The following RNF220 variants were observed in gnomAD, a reference collection of about 807,000 sequenced individuals.
RNF220 encodes the protein E3 ubiquitin-protein ligase RNF220.
Under a neutral mutation model 67.1 loss-of-function variants are expected in RNF220, and 7 were observed. The ratio of observed to expected loss-of-function variants is 0.10; its 90% CI spans 0.06 to 0.20. The LOEUF (loss-of-function observed/expected upper bound fraction) is 0.20, where lower values mean the gene tolerates loss of function less well. Among genes scored for constraint, RNF220 ranks in the 10% least tolerant of loss-of-function variants. The probability of loss-of-function intolerance (pLI) is 1.00; values close to 1 mark genes in which losing one functional copy is unlikely to be tolerated. For missense variants in RNF220, 565 were observed against 740.3 expected (o/e 0.76, Z 2.75); for synonymous variants, 270 against 283.2 (o/e 0.95, Z 0.47).
At chr1:44,488,608 C>G (rs1409102955) in intron 2 of RNF220, among the ~76,000 whole-genome samples, 2 of 152,212 alleles carry the variant, frequency 1.3e-5, no homozygotes, top group African/African-American at 4.8e-5. Flanking sequence ...GGCCACCATA[C>G]CCAGCCTGCA....
intron 2 of RNF220, among the ~76,000 whole-genome samples, chr1:44,464,572 G>A (rs1453892570): frequency 4.6e-5 from 7 of 152,206 alleles, no homozygotes. Flanking sequence ...GCACATCTGT[G>A]TGGCAGAGAA....
At chr1:44,498,716 A>G (rs1312405007) in intron 2 of RNF220, among the ~76,000 whole-genome samples, 1 of 152,152 alleles carries the variant, frequency 6.6e-6, no homozygotes, top group Non-Finnish European at 1.5e-5. Flanking sequence ...AAGTCTTTCA[A>G]CAGGACTTGT....
chr1:44,468,102 A>C (rs1418834096), intron 2 of RNF220, among the ~76,000 whole-genome samples: 1 of 132,932 alleles, frequency 7.5e-6, no homozygotes, highest in Non-Finnish European at 1.7e-5. Flanking sequence ...AATTACCAAA[A>C]TGTGACGCAG....
At chr1:44,524,866 G>A (rs1660241953) in intron 2 of RNF220, among the ~76,000 whole-genome samples, 1 of 152,180 alleles carries the variant, frequency 6.6e-6, no homozygotes, top group African/African-American at 2.4e-5. Context: ...GACGCTAAGA[G>A]CCCAAGGCTT....
chr1:44,559,484 A>G lies in RNF220; in HGVS notation c.626-54681A>G, dbSNP rs553794229. 1.2e-3 allele frequency among the ~76,000 whole-genome samples: 181 copies of G among 152,380 alleles called. No individual in the cohort carries two copies. The South Asian group carries it at 0.013, about 11-fold the overall frequency. ...GAAAAAGCTGTGCTCGGCTTATTGA[A>G]ATGTTCATTAGACAGATATATAGAG... On this transcript the variant is annotated intron_variant, in intron 2 of 14. Coordinates refer to ENST00000361799, the MANE Select transcript of RNF220 (RefSeq NM_018150.4).
intron 2 of RNF220, among the ~76,000 whole-genome samples, chr1:44,437,376 T>G (rs1651085275): frequency 6.6e-6 from 1 of 152,214 alleles, no homozygotes; most frequent in Non-Finnish European, 1.5e-5. Context: ...TAAAATATAT[T>G]CTAAAAACTG....
At chr1:44,638,132 C>T (rs537742611) in intron 8 of RNF220, among the ~76,000 whole-genome samples, 1 of 152,378 alleles carries the variant, frequency 6.6e-6, no homozygotes, top group Admixed American at 6.5e-5. Context: ...ATCTGTCAGC[C>T]TACCCTCCCT....
intron 2 of RNF220, among the ~76,000 whole-genome samples, chr1:44,542,928 C>G (rs568149258): frequency 6.6e-6 from 1 of 152,058 alleles, no homozygotes; most frequent in South Asian, 2.1e-4. Context: ...TGCCCCAGCC[C>G]CTCCCAGGCC....
intron 1 of RNF220, among the ~76,000 whole-genome samples, chr1:44,410,103 T>C (rs149978261): frequency 3.7e-4 from 56 of 152,030 alleles, no homozygotes; most frequent in Admixed American, 1.2e-3. Flanking sequence ...TCATTTAAGA[T>C]AATGAGGTGA....
chr1:44,566,015 G>A (rs970044595), intron 2 of RNF220, among the ~76,000 whole-genome samples: 4 of 152,168 alleles, frequency 2.6e-5, no homozygotes, highest in South Asian at 2.1e-4. Flanking sequence ...AGGGGCACAC[G>A]CTGCCCATAA....
intron 2 of RNF220, among the ~76,000 whole-genome samples, chr1:44,454,333 C>G (rs1254675035): frequency 6.6e-6 from 1 of 152,072 alleles, no homozygotes; most frequent in Non-Finnish European, 1.5e-5. Context: ...GGTTTTATAT[C>G]TCTTCTTGGG....
At position 44,500,910 on chromosome 1, in the gene RNF220, C is replaced by T. The variant is rs377170522; in HGVS notation, c.625+88188C>T. Reference sequence around the variant, plus strand: ...CAACGTGGGGCTCGGGAGCCAGGGGCGAAGCACCCTTCGGGCATAGACGGG... The same window carrying T: ...CAACGTGGGGCTCGGGAGCCAGGGGTGAAGCACCCTTCGGGCATAGACGGG... On this transcript the variant is annotated intron_variant, in intron 2 of 14. Coordinates refer to ENST00000361799, the MANE Select transcript of RNF220 (RefSeq NM_018150.4). Among the ~76,000 whole-genome samples, 84 of 152,284 alleles carry T rather than the reference C, an allele frequency of 5.5e-4. 2 individuals are homozygous for T. In the South Asian group the frequency reaches 7.7e-3, roughly 14 times the overall value.
chr1:44,584,685 G>GT (rs1373928862), intron 2 of RNF220, among the ~76,000 whole-genome samples: 2 of 152,088 alleles, frequency 1.3e-5, no homozygotes, highest in Admixed American at 1.3e-4. Flanking sequence ...ATTTCTTTTT[G>GT]TTTTTTGTTT....
At chr1:44,547,152 G>A (rs1461771306) in intron 2 of RNF220, among the ~76,000 whole-genome samples, 1 of 152,220 alleles carries the variant, frequency 6.6e-6, no homozygotes, top group African/African-American at 2.4e-5. Context: ...GTGAGACAGA[G>A]CTGAAGTGAA....
intron 2 of RNF220, among the ~76,000 whole-genome samples, chr1:44,499,507 A>G (rs1054975447): frequency 1.3e-5 from 2 of 152,086 alleles, no homozygotes; most frequent in Admixed American, 6.6e-5. Flanking sequence ...CTTCTAGGAC[A>G]CACCCTCTGT....
At chr1:44,408,286 G>T (rs1006232757) in intron 1 of RNF220, among the ~76,000 whole-genome samples, 4 of 152,156 alleles carry the variant, frequency 2.6e-5, no homozygotes, top group Non-Finnish European at 5.9e-5. Flanking sequence ...TCTCGGATTC[G>T]CACCCTTTGG....
intron 4 of RNF220, among the ~76,000 whole-genome samples, chr1:44,623,073 G>T (rs577550447): frequency 6.6e-6 from 1 of 152,294 alleles, no homozygotes; most frequent in African/African-American, 2.4e-5. Flanking sequence ...GGAGATGTGG[G>T]TGACCCAGAC....
intron 2 of RNF220, among the ~76,000 whole-genome samples, chr1:44,527,209 G>C (rs768318612): frequency 2.0e-5 from 3 of 151,898 alleles, no homozygotes; most frequent in Non-Finnish European, 4.4e-5. Flanking sequence ...AGCACCTCCA[G>C]ACTCAACATA....
chr1:44,428,406 T>A (rs1197038259), intron 2 of RNF220, among the ~76,000 whole-genome samples: 2 of 152,202 alleles, frequency 1.3e-5, no homozygotes, highest in African/African-American at 4.8e-5. Flanking sequence ...CAGGCTGCTT[T>A]ATTTTTCCAA....
Sources: gnomAD v4.1 joint callset for allele counts (sites outside exome capture counted in the v4.1 genomes callset) on GRCh38, gnomAD v4.1.1 for gene constraint, MANE v1.5 for transcripts, NCBI Gene and HGNC (gene_info 2026-07-23, HGNC 2026-07-21) for gene names.